The following BMPER variants were observed in gnomAD, a reference collection of about 807,000 sequenced individuals.
BMPER encodes the protein BMP-binding endothelial regulator protein.
BMPER carries 45 observed loss-of-function variants against 87.3 expected under a neutral mutation model. That is an observed-to-expected ratio of 0.52 (90% confidence interval 0.41 to 0.66). The LOEUF is 0.66. BMPER is among the 30% of genes least tolerant of loss of function. The pLI is 0.00. For synonymous variants in BMPER, 326 were observed against 316.2 expected, an observed-to-expected ratio of 1.03 and a Z score of -0.33; for missense variants, 784 against 867.5, an observed-to-expected ratio of 0.90 and a Z score of 1.21.
At chr7:34,073,961 G>T (rs1389549587) in intron 11 of BMPER, among the ~76,000 whole-genome samples, 1 of 152,346 alleles carries the variant, frequency 6.6e-6, no homozygotes, top group African/African-American at 2.4e-5. Context: ...GGTGAGGGGG[G>T]CCAGCACTGG....
intron 2 of BMPER, among the ~76,000 whole-genome samples, chr7:33,920,633 T>C (rs1484806566): frequency 6.6e-6 from 1 of 151,102 alleles, no homozygotes; most frequent in Non-Finnish European, 1.5e-5. Context: ...ACCATGTTGG[T>C]CAGGCTGGTC....
intron 2 of BMPER, among the ~76,000 whole-genome samples, chr7:33,913,315 A>G (rs535304145): frequency 8.5e-5 from 13 of 152,354 alleles, no homozygotes; most frequent in African/African-American, 3.1e-4. Flanking sequence ...AGCATCTTGA[A>G]TGTAATAATA....
chr7:34,067,223 T>C (rs1287379215), intron 11 of BMPER: 3 of 152,178 alleles, frequency 2.0e-5, no homozygotes, highest in African/African-American at 7.2e-5. Context: ...GTGTGCAGGC[T>C]GCATTGGTGT....
chr7:33,940,145 C>T (rs781576115), intron 3 of BMPER: 22 of 160,470 alleles, frequency 1.4e-4, no homozygotes, highest in Middle Eastern at 2.1e-3. Context: ...CAATTGCTAT[C>T]GTTTGATATA....
intron 13 of BMPER, among the ~76,000 whole-genome samples, chr7:34,117,535 A>AGACCATAAAACCATTATGCTCTC (rs1295828817): frequency 1.3e-5 from 2 of 152,252 alleles, no homozygotes; most frequent in Non-Finnish European, 1.5e-5. Context: ...CTCTAGGGAG[A>AGACCATAAAACCATTATGCTCTC]GACCATAAAA....
intron 6 of BMPER, among the ~76,000 whole-genome samples, chr7:33,986,102 CCTT>C (rs1395904017): frequency 1.3e-5 from 2 of 152,180 alleles, no homozygotes; most frequent in African/African-American, 2.4e-5. Flanking sequence ...GAGATTGCGA[CCTT>C]CTGTACCTGC....
chr7:34,051,997 C>T, intron 8 of BMPER, 27 bp downstream of exon 8: 2 of 1,569,502 alleles, frequency 1.3e-6, no homozygotes, highest in Non-Finnish European at 1.8e-6. Flanking sequence ...AGGCTGTGGT[C>T]CAGCAATGAT....
At chr7:34,018,571 G>A (rs1330598679) in intron 6 of BMPER, among the ~76,000 whole-genome samples, 1 of 151,880 alleles carries the variant, frequency 6.6e-6, no homozygotes, top group African/African-American at 2.4e-5. Context: ...AAGACGAGTC[G>A]GCTGTGTCCC....
At chr7:34,085,387 G>A (rs892542086) in intron 12 of BMPER, among the ~76,000 whole-genome samples, 1 of 151,996 alleles carries the variant, frequency 6.6e-6, no homozygotes, top group African/African-American at 2.4e-5. Context: ...GCACATTGTA[G>A]TAGTCATTAG....
intron 6 of BMPER, among the ~76,000 whole-genome samples, chr7:34,028,051 A>G (rs984138708): frequency 6.6e-6 from 1 of 152,086 alleles, no homozygotes; most frequent in Non-Finnish European, 1.5e-5. Context: ...ATGGTTTTAT[A>G]TTGGTATAAT....
At chr7:34,092,895 T>A (rs1013633036) in intron 13 of BMPER, among the ~76,000 whole-genome samples, 13 of 152,326 alleles carry the variant, frequency 8.5e-5, no homozygotes, top group Non-Finnish European at 1.8e-4. Context: ...ACTGTTTCTT[T>A]AAAAAGAGAA....
At chr7:34,062,571 G>A (rs1202222156) in intron 11 of BMPER, among the ~76,000 whole-genome samples, 3 of 149,968 alleles carry the variant, frequency 2.0e-5, no homozygotes, top group African/African-American at 7.4e-5. Context: ...TCCTATTATA[G>A]TCATGGGTCA....
In BMPER at chr7:33,939,697, C is replaced by T. The variant is rs142890180; in HGVS notation, c.319+2309C>T. Among the ~76,000 whole-genome samples, 20 of 152,106 alleles carry T rather than the reference C, an allele frequency of 1.3e-4. No individual in the cohort carries two copies. In the East Asian group the frequency reaches 3.3e-3, roughly 25 times the overall value. The stretch of plus-strand genomic sequence containing the variant: ...CTTCCCCCTTTGCTTGGCACTTCTC[C>T]TCCCTGCCACCTTGTGAAGAAGGTG... On this transcript the variant is annotated intron_variant, in intron 3 of 14. Coordinates refer to ENST00000649409, the MANE Select transcript of BMPER (RefSeq NM_001365308.1).
intron 2 of BMPER, among the ~76,000 whole-genome samples, chr7:33,932,581 C>T (rs550082064): frequency 1.3e-5 from 2 of 152,160 alleles, no homozygotes; most frequent in South Asian, 2.1e-4. Context: ...CAGGCAGACA[C>T]GAGGTATTTT....
chr7:33,913,639 G>GA (rs1372547680), intron 2 of BMPER, among the ~76,000 whole-genome samples: 1 of 152,048 alleles, frequency 6.6e-6, no homozygotes, highest in Non-Finnish European at 1.5e-5. Flanking sequence ...CAAAGGTATT[G>GA]AAAAAAATAG....
intron 13 of BMPER, among the ~76,000 whole-genome samples, chr7:34,116,558 G>C (rs772672527): frequency 3.4e-4 from 52 of 152,294 alleles, no homozygotes; most frequent in Non-Finnish European, 5.4e-4. Context: ...GAGACCCTTA[G>C]AGATTAGATT....
chr7:33,964,432 G>A (rs1785354201), intron 3 of BMPER, among the ~76,000 whole-genome samples: 2 of 152,206 alleles, frequency 1.3e-5, no homozygotes, highest in Admixed American at 1.3e-4. Context: ...CGTAAACAAG[G>A]GTGGTTAAGC....
At chr7:33,953,955 C>T (rs142926255) in intron 3 of BMPER, among the ~76,000 whole-genome samples, 1 of 152,156 alleles carries the variant, frequency 6.6e-6, no homozygotes, top group African/African-American at 2.4e-5. Flanking sequence ...AAGGTTTATC[C>T]ATGTTGTAGC....
At chr7:33,984,131 A>G (rs1785934415) in intron 6 of BMPER, among the ~76,000 whole-genome samples, 1 of 152,206 alleles carries the variant, frequency 6.6e-6, no homozygotes, top group East Asian at 1.9e-4. Context: ...GTTTCCGGGC[A>G]GAGCCACCCT....
Sources: allele counts gnomAD v4.1 joint callset (sites outside exome capture counted in the v4.1 genomes callset), GRCh38; gene constraint gnomAD v4.1.1; transcripts MANE v1.5; gene names NCBI Gene and HGNC (gene_info 2026-07-23, HGNC 2026-07-21).